PREX2: variants seen among roughly 807,000 people sequenced by gnomAD.
PREX2 encodes the protein phosphatidylinositol 3,4,5-trisphosphate-dependent Rac exchanger 2 protein.
Under a neutral mutation model 203.2 loss-of-function variants are expected in PREX2, and 107 were observed. That is an observed-to-expected ratio of 0.53 (90% CI 0.45 to 0.62). PREX2 has a LOEUF of 0.62. Ranked by LOEUF, PREX2 falls within the 20% of genes least tolerant of loss-of-function variation. The pLI, the probability that PREX2 is intolerant of heterozygous loss-of-function variation, is 0.00. For synonymous variants in PREX2, 672 were observed against 663.6 expected (o/e 1.01, Z -0.19); for missense variants, 1,777 against 1,955.9 (o/e 0.91, Z 1.72).
intron 30 of PREX2, among the ~76,000 whole-genome samples, chr8:68,125,415 G>A (rs967601156): frequency 6.6e-6 from 1 of 152,020 alleles, no homozygotes; most frequent in Non-Finnish European, 1.5e-5. Context: ...TATACCACAG[G>A]TGATATCAAG....
At chr8:68,047,476 T>TATATATATATATATATATACAC (rs1554570827) in intron 8 of PREX2, among the ~76,000 whole-genome samples, 1 of 11,234 alleles carries the variant, frequency 8.9e-5, no homozygotes. Context: ...AATTTATATA[T>TATATATATATATATATATACAC]ATATATATAT....
At chr8:68,048,013 G>A (rs1354812162) in intron 8 of PREX2, among the ~76,000 whole-genome samples, 3 of 152,006 alleles carry the variant, frequency 2.0e-5, no homozygotes, top group South Asian at 2.1e-4. Flanking sequence ...ATGGTATGAT[G>A]TGCAAAAGTG....
chr8:68,186,433 T>C (rs929144900), intron 35 of PREX2, among the ~76,000 whole-genome samples: 2 of 152,212 alleles, frequency 1.3e-5, no homozygotes, highest in African/African-American at 4.8e-5. Flanking sequence ...GTATTTTAAA[T>C]GTTTTAAAAA....
At chr8:67,961,332 T>A (rs1357367908) in intron 1 of PREX2, among the ~76,000 whole-genome samples, 9 of 152,052 alleles carry the variant, frequency 5.9e-5, no homozygotes, top group Non-Finnish European at 1.0e-4. Context: ...TCATTAAAAG[T>A]GTTATTAAAT....
At chr8:68,222,065 A>G (rs1163684573) in intron 38 of PREX2, among the ~76,000 whole-genome samples, 5 of 152,210 alleles carry the variant, frequency 3.3e-5, no homozygotes, top group African/African-American at 1.2e-4. Context: ...ATGTATCAGT[A>G]TGAACTGATA....
chr8:67,993,571 C>G (rs1202597305), intron 1 of PREX2, among the ~76,000 whole-genome samples: 1 of 151,952 alleles, frequency 6.6e-6, no homozygotes, highest in East Asian at 1.9e-4. Flanking sequence ...TACTGCCCAG[C>G]TAATTTTTGT....
At chr8:68,164,886 C>CTTTT (rs71554623) in intron 35 of PREX2, among the ~76,000 whole-genome samples, 20,806 of 133,556 alleles carry the variant, frequency 0.16, 1,791 homozygotes, top group South Asian at 0.2. Context: ...CCGGCCAAAC[C>CTTTT]TTTTTTTTTT....
intron 37 of PREX2, among the ~76,000 whole-genome samples, chr8:68,204,186 C>A (rs1812563603): frequency 1.3e-5 from 2 of 150,688 alleles, no homozygotes; most frequent in South Asian, 2.1e-4. Context: ...ACATTCCTGG[C>A]ATGGCAAATA....
rs143185949 is a variant in PREX2 at position 68,019,605 on chromosome 8, C to G, written c.270C>G (p.Val90=). ...CAGTACATAAAGAATTCTTAAAAGT[C>G]GTGGAAGAATGCTTACACCCCGAAC... ...ILAVHKEFLK[V]VEECLHPEPN... is the part of the protein sequence containing the mutation. Residue 90 remains valine, a synonymous_variant, in exon 3 of 40, where the codon GTC becomes GTG. Coordinates refer to ENST00000288368, the MANE Select transcript of PREX2 (RefSeq NM_024870.4). 1 of 1,612,652 alleles carries G rather than the reference C, an allele frequency of 6.2e-7. No homozygotes were observed. Among genetic ancestry groups the G allele is most frequent in the Admixed American group, 1.7e-5 (1 of 59,964 alleles).
Position 68,231,711 on chromosome 8 carries a change from C to A in PREX2, c.*333C>A. The A allele has an allele frequency of 4.4e-6, 1 of 226,746 alleles. No individual in the cohort carries two copies. Among genetic ancestry groups the A allele is most frequent in the South Asian group, 1.8e-4 (1 of 5,554 alleles). 14.0% of individuals were successfully genotyped at this position (226,746 alleles called of 1,614,324 possible). The stretch of plus-strand genomic sequence containing the variant: ...AAAAATTAACCACCATGCCTCCTCT[C>A]CCATTCATTAAAATGGTTTTATTAT... On this transcript the variant is annotated 3_prime_UTR_variant, in exon 40 of 40. Transcript: ENST00000288368.
intron 17 of PREX2, 96 bp downstream of exon 17, chr8:68,080,934 C>G: frequency 1.3e-6 from 1 of 761,726 alleles, no homozygotes; most frequent in South Asian, 1.6e-5. Flanking sequence ...AGATAATCAG[C>G]CTTGAAATTA....
chr8:68,188,004 G>A (rs959010668), intron 35 of PREX2, among the ~76,000 whole-genome samples: 1 of 152,202 alleles, frequency 6.6e-6, no homozygotes, highest in Non-Finnish European at 1.5e-5. Context: ...CCAGGTAGTA[G>A]AGGACTCCAC....
chr8:68,069,611 T>A (rs1425168590), intron 12 of PREX2, among the ~76,000 whole-genome samples: 1 of 149,334 alleles, frequency 6.7e-6, no homozygotes, highest in Admixed American at 6.7e-5. Context: ...TATGTGTGTA[T>A]GTCATATATG....
At chr8:68,175,271 G>C (rs565570725) in intron 35 of PREX2, among the ~76,000 whole-genome samples, 1 of 152,118 alleles carries the variant, frequency 6.6e-6, no homozygotes, top group Non-Finnish European at 1.5e-5. Flanking sequence ...GTGGGAAGGG[G>C]CTGAAAGTGA....
intron 1 of PREX2, among the ~76,000 whole-genome samples, chr8:67,974,540 T>C (rs1435693287): frequency 6.6e-6 from 1 of 152,134 alleles, no homozygotes; most frequent in Non-Finnish European, 1.5e-5. Flanking sequence ...CTTTTCCATG[T>C]AAGGGATAAC....
intron 1 of PREX2, among the ~76,000 whole-genome samples, chr8:67,953,092 C>G (rs1805399183): frequency 6.6e-6 from 1 of 152,060 alleles, no homozygotes; most frequent in South Asian, 2.1e-4. Context: ...ACAGAGAGAG[C>G]AGCGGGGTGA....
intron 36 of PREX2, 128 bp downstream of exon 36, chr8:68,191,916 T>TGA (rs1406563175): frequency 1.6e-6 from 1 of 639,286 alleles, no homozygotes; most frequent in Non-Finnish European, 2.8e-6. Flanking sequence ...TAGTCTGTCA[T>TGA]GAGACAGTCT....
intron 1 of PREX2, among the ~76,000 whole-genome samples, chr8:68,005,765 G>A (rs1807077404): frequency 6.6e-6 from 1 of 152,098 alleles, no homozygotes; most frequent in African/African-American, 2.4e-5. Context: ...TGTCTATTTA[G>A]TGGTTTATTC....
intron 7 of PREX2, among the ~76,000 whole-genome samples, chr8:68,041,692 T>C (rs1308128739): frequency 6.6e-6 from 1 of 152,016 alleles, no homozygotes; most frequent in Non-Finnish European, 1.5e-5. Flanking sequence ...GTAGGAGAGG[T>C]TGTTATTTTA....
Sources: allele counts gnomAD v4.1 joint callset (sites outside exome capture counted in the v4.1 genomes callset), GRCh38; gene constraint gnomAD v4.1.1; transcripts MANE v1.5; gene names NCBI Gene and HGNC (gene_info 2026-07-23, HGNC 2026-07-21).